Variants in IPO11 observed in about 807,000 individuals in gnomAD.
IPO11 encodes importin-11.
A neutral mutation model predicts 143.2 loss-of-function variants in IPO11; 66 were observed. The ratio of observed to expected loss-of-function variants is 0.46; its 90% CI spans 0.38 to 0.57. The LOEUF is 0.57. Among genes scored for constraint, IPO11 ranks in the 20% least tolerant of loss-of-function variants. The pLI is 0.00. For missense variants in IPO11, 1,026 were observed against 1,141.0 expected, an observed-to-expected ratio of 0.90 and a Z score of 1.45; for synonymous variants, 385 against 377.8, an observed-to-expected ratio of 1.02 and a Z score of -0.22.
At chr5:62,447,586 T>C (rs1021945628) in intron 3 of IPO11, among the ~76,000 whole-genome samples, 1 of 151,968 alleles carries the variant, frequency 6.6e-6, no homozygotes, top group Non-Finnish European at 1.5e-5. Flanking sequence ...CCTTGTTTTT[T>C]TATTCTTTTT....
Position 62,470,256 on chromosome 5 carries a change from G to A in IPO11, c.656G>A (p.Arg219His), listed in dbSNP as rs769780919. The A allele has an allele frequency of 1.5e-5, 25 of 1,613,462 alleles. No individual in the cohort carries two copies. The highest frequency in any genetic ancestry group is 1.2e-4 in the Admixed American group (7 of 60,004). ...ERTLLSLKVL[R>H]KLTVNGFVEP... The stretch of plus-strand genomic sequence containing the variant: ...GCTTGCTTTTGCTTTTCAGTGCTGC[G>A]TAAGTTAACTGTTAATGGATTTGTG... The change falls in exon 7 of 30, where the codon CGT (arginine) becomes CAT (histidine). Residue 219 changes from arginine to histidine, a missense_variant. Around this residue, in one of 5 missense-constraint regions of IPO11, gnomAD observed 429 missense variants for 456.3 expected, o/e 0.94. Transcript: ENST00000325324.
At chr5:62,611,833 C>T (rs893144764) in intron 29 of IPO11, among the ~76,000 whole-genome samples, 1 of 152,070 alleles carries the variant, frequency 6.6e-6, no homozygotes, top group Non-Finnish European at 1.5e-5. Context: ...TCCTGTTTTT[C>T]TCTTCTGCTT....
intron 1 of IPO11, among the ~76,000 whole-genome samples, chr5:62,436,889 C>CTTATTAATCTGTATGG (rs1744263194): frequency 6.6e-6 from 1 of 152,148 alleles, no homozygotes; most frequent in Non-Finnish European, 1.5e-5. Flanking sequence ...TGGTTTAATA[C>CTTATTAATCTGTATGG]TTTTATAACA....
intron 16 of IPO11, among the ~76,000 whole-genome samples, chr5:62,501,211 T>C (rs1741335076): frequency 6.6e-6 from 1 of 152,194 alleles, no homozygotes; most frequent in Non-Finnish European, 1.5e-5. Context: ...TTTTCTTTTG[T>C]ACACTCTCTA....
intron 28 of IPO11, among the ~76,000 whole-genome samples, chr5:62,600,062 A>G (rs1033571677): frequency 3.3e-5 from 5 of 152,198 alleles, no homozygotes; most frequent in African/African-American, 4.8e-5. Context: ...TGGGGGAGAC[A>G]GAATCTTGCT....
chr5:62,591,464 G>A (rs1344500127), intron 27 of IPO11, 113 bp from the exon 28 acceptor site: 1 of 620,548 alleles, frequency 1.6e-6, no homozygotes, highest in South Asian at 2.1e-5. Context: ...AGTTTCTTTT[G>A]TATTTCACAG....
At position 62,487,776 on chromosome 5, in the gene IPO11, C is replaced by T. The variant is rs763397682; in HGVS notation, c.1224C>T (p.Cys408=). 2 of 1,588,650 alleles carry T rather than the reference C, an allele frequency of 1.3e-6. No individual in the cohort carries two copies. Among genetic ancestry groups the T allele is most frequent in the South Asian group, 1.2e-5 (1 of 84,728 alleles). The change falls in exon 13 of 30, where the codon TGC becomes TGT. Residue 408 remains cysteine (C), a synonymous_variant. Transcript: ENST00000325324. ...GDSWKYSLRP[C]TEVLFIDIFH... is the part of the protein sequence containing the mutation. ...TTGTATTTTTCCCTCTCCAGCCATG[C>T]ACTGAAGTATTATTTATAGATATAT...
intron 26 of IPO11, chr5:62,560,655 G>A (rs1743739539): frequency 6.6e-6 from 1 of 152,326 alleles, no homozygotes; most frequent in Admixed American, 6.5e-5. Flanking sequence ...GCATGCAAAT[G>A]TCTTAGGAAA....
intron 29 of IPO11, among the ~76,000 whole-genome samples, chr5:62,620,992 CTG>C (rs1433803127): frequency 2.6e-5 from 4 of 152,264 alleles, no homozygotes; most frequent in African/African-American, 7.2e-5. Flanking sequence ...AGCAGGAAAA[CTG>C]TGAAAAAGAA....
rs56277060 is a variant in IPO11, at chr5:62,533,964, A to AAAAAAG, written c.2090-2735_2090-2734insAAGAAA. ...GATGCTTTCTCTTTAAAAAAAAAAA[A>AAAAAAG]AAAGAAAGCCACTGGCAGAAAGTTT... On this transcript the variant is annotated intron_variant, in intron 22 of 29. Transcript: ENST00000325324. Among the ~76,000 whole-genome samples the AAAAAAG allele has an allele frequency of 1.5e-3, 224 of 148,648 alleles. 2 individuals are homozygous for AAAAAAG. The highest frequency in any genetic ancestry group is 3.4e-3 in the Middle Eastern group (1 of 290).
chr5:62,536,877 G>A, intron 23 of IPO11, 96 bp downstream of exon 23: 1 of 1,217,700 alleles, frequency 8.2e-7, no homozygotes, highest in Non-Finnish European at 1.1e-6. Flanking sequence ...TTTTAAGATT[G>A]GTCTGTTATT....
At chr5:62,591,377 CAT>C (rs1202827490) in intron 27 of IPO11, among the ~76,000 whole-genome samples, 198 bp from the exon 28 acceptor site, 1 of 151,918 alleles carries the variant, frequency 6.6e-6, no homozygotes, top group Non-Finnish European at 1.5e-5. Flanking sequence ...AGTATTTAAA[CAT>C]ACTAATTAGT....
In IPO11 at chr5:62,444,097, C is replaced by CTT. The variant is rs533439906; in HGVS notation, c.239+1029_239+1030dup. ...CGGTTTAAAGCAGACATGTCTTTTT[C>CTT]TTTTTTTTTTTTTTTTGAGACGGAG... On this transcript the variant is annotated intron_variant, in intron 3 of 29. Transcript: ENST00000325324. Among the ~76,000 whole-genome samples, 157 of 139,186 alleles carry CTT rather than the reference C, an allele frequency of 1.1e-3. 1 individual carries two copies. The South Asian group carries it at 0.015, about 13-fold the overall frequency. 91.3% of individuals were successfully genotyped at this position (139,186 alleles called of 152,430 possible).
chr5:62,509,633 T>A (rs1458128746), intron 19 of IPO11, among the ~76,000 whole-genome samples: 3 of 152,252 alleles, frequency 2.0e-5, no homozygotes, highest in Non-Finnish European at 4.4e-5. Context: ...ACTTTATGCC[T>A]GTTGATTAGT....
chr5:62,550,315 C>T (rs2112347730), intron 24 of IPO11, 52 bp from the exon 25 acceptor site: 2 of 1,352,576 alleles, frequency 1.5e-6, no homozygotes, highest in Non-Finnish European at 2.1e-6. Flanking sequence ...ATGTGTTTTT[C>T]ATAAAGCAAT....
intron 16 of IPO11, 57 bp from the exon 17 acceptor site, chr5:62,504,610 T>C: frequency 9.6e-7 from 1 of 1,038,646 alleles, no homozygotes; most frequent in South Asian, 1.5e-5. Flanking sequence ...TTGTTTGATA[T>C]TAATGATGTT....
chr5:62,427,523 A>G (rs1362126825), intron 1 of IPO11, among the ~76,000 whole-genome samples: 2 of 152,196 alleles, frequency 1.3e-5, no homozygotes, highest in Non-Finnish European at 2.9e-5. Context: ...GAACTGGGCC[A>G]CACTGCAGGA....
At chr5:62,558,377 T>C (rs997769637) in intron 26 of IPO11, among the ~76,000 whole-genome samples, 2 of 152,192 alleles carry the variant, frequency 1.3e-5, no homozygotes, top group African/African-American at 2.4e-5. Flanking sequence ...TACGTAAATA[T>C]AGGATTCAGT....
chr5:62,416,196 T>C (rs1306236970), intron 1 of IPO11, among the ~76,000 whole-genome samples: 6 of 149,536 alleles, frequency 4.0e-5, no homozygotes, highest in Non-Finnish European at 7.4e-5. Flanking sequence ...TTTTTTTTTT[T>C]TTTGAGACGG....
Sources: gnomAD v4.1 joint callset for allele counts (sites outside exome capture counted in the v4.1 genomes callset) on GRCh38, gnomAD v4.1.1 for gene constraint, gnomAD v4.1.1 regional missense constraint, MANE v1.5 for transcripts, NCBI Gene and HGNC (gene_info 2026-07-23, HGNC 2026-07-21) for gene names.